ROCK2: variants seen among roughly 807,000 people sequenced by gnomAD.
ROCK2 encodes Rho associated coiled-coil containing protein kinase 2.
ROCK2 carries 61 observed loss-of-function variants against 195.1 expected under a neutral mutation model. That is an observed-to-expected ratio of 0.31 (90% CI 0.25 to 0.39). The LOEUF (loss-of-function observed/expected upper bound fraction) is 0.39. Among genes scored for constraint, ROCK2 ranks in the 10% least tolerant of loss-of-function variants. The pLI is 1.00. For synonymous variants in ROCK2, 504 were observed against 545.5 expected (o/e 0.92, Z 1.06); for missense variants, 1,109 against 1,637.4 (o/e 0.68, Z 5.57).
chr2:11,272,869 CAAAAAAAAAA>C (rs34327134), intron 3 of ROCK2, among the ~76,000 whole-genome samples: 60 of 99,228 alleles, frequency 6.0e-4, no homozygotes, highest in Admixed American at 2.6e-3. Context: ...GACTCTGTCT[CAAAAAAAAAA>C]AAAAAAAAGA....
At chr2:11,248,451 T>C (rs1340951384) in intron 4 of ROCK2, among the ~76,000 whole-genome samples, 1 of 152,020 alleles carries the variant, frequency 6.6e-6, no homozygotes, top group Non-Finnish European at 1.5e-5. Flanking sequence ...CTCACATCTG[T>C]AATCCCAGCA....
chr2:11,211,787 C>G lies in ROCK2; in HGVS notation c.2097G>C (p.Gln699His). 6.2e-7 allele frequency: 1 copy of G among 1,612,744 alleles called. No homozygotes were observed. Among genetic ancestry groups the G allele is most frequent in the Non-Finnish European group, 8.5e-7 (1 of 1,179,448 alleles). ...GTTCAGCTTCTTCTTGTTCTAGGCTCTGCTGTATAACTTTTAGTTGGTATG... is the reference window on the plus strand; with the variant it reads ...GTTCAGCTTCTTCTTGTTCTAGGCTGTGCTGTATAACTTTTAGTTGGTATG... ...DMTYQLKVIQ[Q>H]SLEQEEAEHK... is the part of the protein sequence containing the mutation. The change falls in exon 18 of 33, where the codon CAG becomes CAC. Residue 699 changes from glutamine to histidine, a missense_variant. Physicochemically the swap from Gln to His is conservative, Grantham distance 24 (BLOSUM62 0). This residue lies in a region of ROCK2 where 542 missense variants were observed against 672.0 expected (regional missense o/e 0.81). Coordinates refer to ENST00000315872, the MANE Select transcript of ROCK2 (RefSeq NM_004850.5).
chr2:11,304,233 A>G (rs774864848), intron 1 of ROCK2, among the ~76,000 whole-genome samples: 40 of 152,204 alleles, frequency 2.6e-4, no homozygotes, highest in Non-Finnish European at 4.7e-4. Flanking sequence ...CTGAATGTCT[A>G]GTAAGTATTT....
chr2:11,286,181 T>G (rs2148192443), intron 3 of ROCK2, among the ~76,000 whole-genome samples: 1 of 86,818 alleles, frequency 1.2e-5, no homozygotes, highest in South Asian at 4.7e-4. Flanking sequence ...TTAATTTCAG[T>G]TATTAAAATT....
At chr2:11,263,651 G>GCA (rs11376538) in intron 3 of ROCK2, among the ~76,000 whole-genome samples, 9,490 of 144,084 alleles carry the variant, frequency 0.066, 341 homozygotes, top group Non-Finnish European at 0.08. Context: ...ATAGCACAAG[G>GCA]CACACACACA....
At position 11,183,371 on chromosome 2, in the gene ROCK2, T is replaced by C; in HGVS notation, c.*66A>G. 7.1e-7 allele frequency: 1 copy of C among 1,417,928 alleles called. No individual in the cohort carries two copies. Among genetic ancestry groups the C allele is most frequent in the Non-Finnish European group, 9.7e-7 (1 of 1,026,142 alleles). The allele number at this position is 1,417,928 out of a possible 1,614,324, so 87.8% of individuals were successfully genotyped here. On this transcript the variant is annotated 3_prime_UTR_variant, in exon 33 of 33. Transcript: ENST00000315872. Reference sequence around the variant, plus strand: ...TTTTAATAAATTTTGGGCCATCATATTTCAGTCTTGTTTTCACTGGAAGAA... The same window carrying C: ...TTTTAATAAATTTTGGGCCATCATACTTCAGTCTTGTTTTCACTGGAAGAA...
At chr2:11,189,951 T>G (rs1030091990) in intron 32 of ROCK2, among the ~76,000 whole-genome samples, 1 of 151,824 alleles carries the variant, frequency 6.6e-6, no homozygotes, top group Non-Finnish European at 1.5e-5. Flanking sequence ...GTCATGATCG[T>G]GCCATTGCAC....
intron 3 of ROCK2, among the ~76,000 whole-genome samples, chr2:11,270,262 CT>C (rs1666580632): frequency 6.6e-6 from 1 of 152,004 alleles, no homozygotes; most frequent in South Asian, 2.1e-4. Context: ...GTTTGTTAGG[CT>C]TTTTCTTCTC....
intron 1 of ROCK2, among the ~76,000 whole-genome samples, chr2:11,291,208 G>A (rs1487135828): frequency 6.6e-6 from 1 of 152,188 alleles, no homozygotes; most frequent in African/African-American, 2.4e-5. Context: ...GTCAAGAAAT[G>A]AAGTATTGAA....
chr2:11,321,602 T>C (rs1047618019), intron 1 of ROCK2, among the ~76,000 whole-genome samples: 9 of 151,800 alleles, frequency 5.9e-5, no homozygotes, highest in African/African-American at 2.2e-4. Flanking sequence ...AAGTACTAAA[T>C]AAAACAAAAA....
chr2:11,246,264 T>C (rs568494014), intron 4 of ROCK2, among the ~76,000 whole-genome samples: 1 of 152,254 alleles, frequency 6.6e-6, no homozygotes, highest in South Asian at 2.1e-4. Flanking sequence ...GAGAGAAACA[T>C]GTTAAACTAC....
At chr2:11,296,417 A>G (rs1223780378) in intron 1 of ROCK2, among the ~76,000 whole-genome samples, 1 of 152,236 alleles carries the variant, frequency 6.6e-6, no homozygotes, top group Non-Finnish European at 1.5e-5. Context: ...TCAATTAAAT[A>G]AACAGAACCT....
chr2:11,231,886 G>A (rs926562181), intron 5 of ROCK2, among the ~76,000 whole-genome samples: 2 of 151,996 alleles, frequency 1.3e-5, no homozygotes, highest in Admixed American at 6.6e-5. Flanking sequence ...AAGTCAGGAT[G>A]GCTGAAAAAT....
intron 18 of ROCK2, among the ~76,000 whole-genome samples, chr2:11,209,533 T>C (rs1572246148): frequency 6.6e-6 from 1 of 152,356 alleles, no homozygotes; most frequent in East Asian, 1.9e-4. Context: ...CTCATAGGAT[T>C]ATGAGTAATC....
At chr2:11,271,724 T>C (rs1272745544) in intron 3 of ROCK2, among the ~76,000 whole-genome samples, 1 of 152,006 alleles carries the variant, frequency 6.6e-6, no homozygotes, top group Non-Finnish European at 1.5e-5. Context: ...CCATCTGAGG[T>C]TGAAAGGACT....
rs767484397 is a variant in ROCK2, at chr2:11,194,354, C to T, written c.3520-10G>A. The T allele has an allele frequency of 1.2e-5, 15 of 1,238,142 alleles. No individual in the cohort carries two copies. The East Asian group carries it at 3.6e-4, about 30-fold the overall frequency. 76.7% of individuals were successfully genotyped at this position (1,238,142 alleles called of 1,614,324 possible). A position where few individuals can be genotyped will look rare whatever the true frequency, so the allele number is the denominator to read the frequency against. ...TGCTTACAATCACATACTGTTAAAA[C>T]AGGGAGAAAAGAAATCAGTAATTCA... On this transcript the variant is annotated splice_polypyrimidine_tract_variant and intron_variant, in intron 28 of 32. Coordinates refer to ENST00000315872, the MANE Select transcript of ROCK2 (RefSeq NM_004850.5).
intron 1 of ROCK2, among the ~76,000 whole-genome samples, chr2:11,307,786 A>T (rs1370356706): frequency 6.6e-6 from 1 of 152,236 alleles, no homozygotes; most frequent in Non-Finnish European, 1.5e-5. Context: ...AAAAACCAAC[A>T]GATTGTTGCA....
At position 11,224,371 on chromosome 2, in the gene ROCK2, C is replaced by T; in HGVS notation, c.958G>A (p.Glu320Lys). 6.2e-7 allele frequency: 1 copy of T among 1,613,378 alleles called. No homozygotes were observed. The highest frequency in any genetic ancestry group is 8.5e-7 in the Non-Finnish European group (1 of 1,179,562). ...KNSLCFPEDA[E>K]ISKHAKNLIC... ...AGATTCTTTGCATGTTTGGAAATTT[C>T]TGCATCTTCAGGGAAACACAGTGAA... Residue 320 changes from glutamate to lysine, a missense_variant, in exon 7 of 33, where the codon GAA becomes AAA. Glu to Lys is a moderately conservative substitution (Grantham distance 56, BLOSUM62 1). Coordinates refer to ENST00000315872, the MANE Select transcript of ROCK2 (RefSeq NM_004850.5).
At chr2:11,269,510 CAAAAAAAAAA>C (rs61527035) in intron 3 of ROCK2, among the ~76,000 whole-genome samples, 1 of 136,528 alleles carries the variant, frequency 7.3e-6, no homozygotes, top group Non-Finnish European at 1.6e-5. Flanking sequence ...GACTCCATCT[CAAAAAAAAAA>C]AAAAAATCTT....
Sources: gnomAD v4.1 joint callset for allele counts (sites outside exome capture counted in the v4.1 genomes callset) on GRCh38, gnomAD v4.1.1 for gene constraint, gnomAD v4.1.1 regional missense constraint, MANE v1.5 for transcripts, NCBI Gene and HGNC (gene_info 2026-07-23, HGNC 2026-07-21) for gene names.